ZNF599: variants seen among roughly 807,000 people sequenced by gnomAD.
ZNF599 encodes the protein zinc finger protein 599.
Under a neutral mutation model 11.7 loss-of-function variants are expected in ZNF599, and 10 were observed. That is an observed-to-expected ratio of 0.86 (90% CI 0.53 to 1.45). The LOEUF (loss-of-function observed/expected upper bound fraction) is 1.45. ZNF599 is among the 40% of genes most tolerant of loss of function. The probability of loss-of-function intolerance (pLI) is 0.00; values close to 1 mark genes in which losing one functional copy is unlikely to be tolerated. For synonymous variants in ZNF599, 232 were observed against 253.2 expected, an observed-to-expected ratio of 0.92 and a Z score of 0.79; for missense variants, 688 against 713.6, an observed-to-expected ratio of 0.96 and a Z score of 0.41.
chr19:34,769,540 C>G lies in ZNF599; in HGVS notation c.34G>C (p.Glu12Gln), dbSNP rs1340910309. 3.7e-6 allele frequency: 6 copies of G among 1,613,906 alleles called. No homozygotes were observed. The highest frequency in any genetic ancestry group is 4.2e-6 in the Non-Finnish European group (5 of 1,179,806). Residue 12 changes from glutamate (E) to glutamine (Q), a missense_variant, in exon 2 of 4, where the codon GAA becomes CAA. Physicochemically the swap from Glu to Gln is conservative, Grantham distance 29 (BLOSUM62 2). Transcript: ENST00000329285. ...AAPALALVSF[E>Q]DVVVTFTGEE... ...CCAGTGAAGGTCACAACCACGTCTT[C>G]AAATGATACTAATGCCTGGGAAGTC...
chr19:34,788,857 G>A, the ZNF599 span, among the ~76,000 whole-genome samples: 14 of 152,258 alleles, frequency 9.2e-5, no homozygotes, highest in South Asian at 2.7e-3. Flanking sequence ...TATTTGCCAT[G>A]TGCAACATGA....
the ZNF599 span, among the ~76,000 whole-genome samples, chr19:34,786,612 G>C: frequency 2.0e-5 from 3 of 152,172 alleles, no homozygotes; most frequent in Non-Finnish European, 2.9e-5. Context: ...ACTTGTCTGG[G>C]TAATATAGTT....
intron 1 of ZNF599, among the ~76,000 whole-genome samples, chr19:34,771,158 T>C (rs1316728670): frequency 1.3e-5 from 2 of 152,090 alleles, no homozygotes; most frequent in African/African-American, 2.4e-5. Flanking sequence ...CCGATAATCC[T>C]AGCTACTCAG....
At chr19:34,792,862 C>A in the ZNF599 span, among the ~76,000 whole-genome samples, 1 of 144,670 alleles carries the variant, frequency 6.9e-6, no homozygotes. Context: ...GACTCTGTCT[C>A]AAAAAAAAAA....
chr19:34,798,474 A>T, the ZNF599 span, among the ~76,000 whole-genome samples: 6 of 151,968 alleles, frequency 3.9e-5, no homozygotes, highest in Admixed American at 3.9e-4. Flanking sequence ...ATAAATTCCT[A>T]CTCCAACAGT....
At chr19:34,775,138 G>A (rs966587590), upstream of ZNF599, among the ~76,000 whole-genome samples, 4 of 152,202 alleles carry the variant, frequency 2.6e-5, no homozygotes, top group African/African-American at 9.7e-5. Flanking sequence ...ACAGCCTGCA[G>A]AACTGTGAGC....
chr19:34,793,184 T>C, the ZNF599 span, among the ~76,000 whole-genome samples: 2 of 152,294 alleles, frequency 1.3e-5, no homozygotes, highest in African/African-American at 4.8e-5. Flanking sequence ...GTATGCCTTA[T>C]GGTATACCTC....
At chr19:34,765,556 G>C (rs1218928853) in intron 3 of ZNF599, 2 of 702,782 alleles carry the variant, frequency 2.8e-6, no homozygotes, top group African/African-American at 3.5e-5. Flanking sequence ...TAATACACCT[G>C]AGAAGGCAGA....
At chr19:34,802,821 C>A in the ZNF599 span, among the ~76,000 whole-genome samples, 15 of 152,272 alleles carry the variant, frequency 9.9e-5, no homozygotes, top group Non-Finnish European at 1.8e-4. Context: ...AAGAAGCACC[C>A]ATAGCTCTTC....
intron 3 of ZNF599, chr19:34,765,630 G>T (rs1437325660): frequency 2.8e-6 from 2 of 703,160 alleles, no homozygotes; most frequent in East Asian, 2.7e-5. Context: ...TTCCACAGAA[G>T]TGAGAAGGAA....
chr19:34,775,011 C>T (rs187423661), upstream of ZNF599, among the ~76,000 whole-genome samples: 224 of 152,302 alleles, frequency 1.5e-3, no homozygotes, highest in African/African-American at 5.1e-3. Flanking sequence ...CCCTCACTCT[C>T]TCTTGCTCCT....
At chr19:34,762,233 G>A (rs1017553772) in intron 3 of ZNF599, among the ~76,000 whole-genome samples, 2 of 152,162 alleles carry the variant, frequency 1.3e-5, no homozygotes, top group African/African-American at 4.8e-5. Flanking sequence ...GTCAACATAA[G>A]AAGTGTTCAC....
rs559568806 is a variant in ZNF599 at position 34,760,826 on chromosome 19, G to A, written c.242-267C>T. Among the ~76,000 whole-genome samples the A allele has an allele frequency of 2.0e-4, 31 of 152,270 alleles. No homozygotes were observed. The East Asian group carries it at 5.8e-3, about 28-fold the overall frequency. ...CTCACTCTCCCAAATGAGGGAGAGT[G>A]GGCAGACTAATAATTACAATGTGTG... On this transcript the variant is annotated intron_variant, in intron 3 of 3. Coordinates refer to ENST00000329285, the MANE Select transcript of ZNF599 (RefSeq NM_001007248.3).
chr19:34,781,612 A>C, the ZNF599 span, among the ~76,000 whole-genome samples: 4 of 152,220 alleles, frequency 2.6e-5, no homozygotes, highest in African/African-American at 9.6e-5. Context: ...GACAGAATAT[A>C]GGAGGCTTTA....
Position 34,759,633 on chromosome 19 carries a change from T to G in ZNF599, c.1168A>C (p.Thr390Pro). ...SSFTQHMRIHTGEKPYECGEC... is the reference protein window; with the variant it reads ...SSFTQHMRIHPGEKPYECGEC... ...CCGCACTCATAGGGTTTCTCTCCAG[T>G]GTGAATCCTCATGTGCTGAGTGAAG... Residue 390 changes from threonine (T) to proline (P), a missense_variant, in exon 4 of 4, where the codon ACT becomes CCT. Thr to Pro is a conservative substitution (Grantham distance 38). Transcript: ENST00000329285. 1 of 1,614,212 alleles carries G rather than the reference T, an allele frequency of 6.2e-7. No homozygotes were observed.
intron 3 of ZNF599, chr19:34,764,185 A>G (rs949509777): frequency 6.6e-6 from 1 of 152,232 alleles, no homozygotes; most frequent in Non-Finnish European, 1.5e-5. Context: ...GAATTTAGCA[A>G]TCAGGATGGC....
upstream of ZNF599, among the ~76,000 whole-genome samples, chr19:34,777,394 A>T (rs1225965744): frequency 2.3e-5 from 2 of 88,794 alleles, no homozygotes; most frequent in Non-Finnish European, 4.0e-5. Flanking sequence ...ATTAATATAT[A>T]ATATATATTA....
the ZNF599 span, among the ~76,000 whole-genome samples, chr19:34,792,999 T>C: frequency 1.3e-5 from 2 of 151,964 alleles, no homozygotes; most frequent in Non-Finnish European, 2.9e-5. Flanking sequence ...ATCCAATGTA[T>C]GGGGATGGAA....
At chr19:34,804,882 C>T in the ZNF599 span, among the ~76,000 whole-genome samples, 1 of 152,166 alleles carries the variant, frequency 6.6e-6, no homozygotes, top group Non-Finnish European at 1.5e-5. Flanking sequence ...TTCCTGTGCC[C>T]ACCTATCACC....
Sources: gnomAD v4.1 joint callset for allele counts (sites outside exome capture counted in the v4.1 genomes callset) on GRCh38, gnomAD v4.1.1 for gene constraint, MANE v1.5 for transcripts, NCBI Gene and HGNC (gene_info 2026-07-23, HGNC 2026-07-21) for gene names.